The following LARP1 variants were observed in gnomAD, a reference collection of about 807,000 sequenced individuals.
The protein encoded by LARP1 is La ribonucleoprotein 1, translational regulator, also known as la-related protein 1.
In LARP1, 36 loss-of-function variants were observed where a neutral mutation model predicts 122.7. That is an observed-to-expected ratio of 0.29 (90% confidence interval 0.22 to 0.39). LARP1 has a LOEUF of 0.39. Among genes scored for constraint, LARP1 ranks in the 10% least tolerant of loss-of-function variants. The pLI, the probability that LARP1 is intolerant of heterozygous loss-of-function variation, is 1.00. For synonymous variants in LARP1, 539 were observed against 528.7 expected (o/e 1.02, Z -0.27); for missense variants, 1,040 against 1,403.6 (o/e 0.74, Z 4.14).
At chr5:154,699,434 G>A (rs1272624088) in intron 1 of LARP1, among the ~76,000 whole-genome samples, 1 of 151,808 alleles carries the variant, frequency 6.6e-6, no homozygotes, top group Non-Finnish European at 1.5e-5. Context: ...TTGAGAGGAT[G>A]GCTTGAAGCC....
At chr5:154,798,260 C>G (rs1758050160) in intron 8 of LARP1, among the ~76,000 whole-genome samples, 3 of 152,204 alleles carry the variant, frequency 2.0e-5, no homozygotes, top group Non-Finnish European at 2.9e-5. Context: ...ACCCTTTCTT[C>G]TCTTACAGGC....
At chr5:154,806,913 C>T (rs369672342) in intron 15 of LARP1, among the ~76,000 whole-genome samples, 2 of 152,276 alleles carry the variant, frequency 1.3e-5, no homozygotes, top group South Asian at 2.1e-4. Context: ...AATTTTAGAA[C>T]ATTTTCATTA....
At chr5:154,810,042 G>T (rs1361188691) in intron 16 of LARP1, among the ~76,000 whole-genome samples, 1 of 151,984 alleles carries the variant, frequency 6.6e-6, no homozygotes, top group Non-Finnish European at 1.5e-5. Flanking sequence ...TTACTCCATT[G>T]TATAGATTTG....
intron 7 of LARP1, 33 bp from the exon 8 acceptor site, chr5:154,795,138 AATCC>A: frequency 6.2e-7 from 1 of 1,605,140 alleles, no homozygotes; most frequent in Non-Finnish European, 8.5e-7. Context: ...CTGATGCACC[AATCC>A]CTCGGTGATA....
At chr5:154,760,847 A>G (rs1399148323) in intron 1 of LARP1, among the ~76,000 whole-genome samples, 1 of 152,196 alleles carries the variant, frequency 6.6e-6, no homozygotes, top group African/African-American at 2.4e-5. Context: ...ATTGTTGTGG[A>G]TCTTGTTTGG....
chr5:154,749,076 G>T (rs1422144334), intron 1 of LARP1, among the ~76,000 whole-genome samples: 1 of 152,212 alleles, frequency 6.6e-6, no homozygotes, highest in Non-Finnish European at 1.5e-5. Context: ...AGTAAGACAG[G>T]AAGGTTAGTT....
At chr5:154,692,150 G>A (rs997590740) in intron 1 of LARP1, among the ~76,000 whole-genome samples, 24 of 152,176 alleles carry the variant, frequency 1.6e-4, no homozygotes, top group African/African-American at 5.6e-4. Context: ...GAATAACACT[G>A]AAACCCCTTA....
chr5:154,791,239 A>G (rs143722317), intron 3 of LARP1, among the ~76,000 whole-genome samples: 557 of 150,042 alleles, frequency 3.7e-3, no homozygotes, highest in African/African-American at 0.013. Flanking sequence ...GGTTCAAGCA[A>G]TTCTCACTCT....
chr5:154,804,789 G>A, intron 14 of LARP1: 1 of 456,292 alleles, frequency 2.2e-6, no homozygotes, highest in South Asian at 1.5e-5. Context: ...TGGCCCCAGT[G>A]TGTGTTTCCT....
At chr5:154,728,267 A>G (rs1047014969) in intron 1 of LARP1, among the ~76,000 whole-genome samples, 5 of 152,196 alleles carry the variant, frequency 3.3e-5, no homozygotes, top group Admixed American at 3.3e-4. Context: ...ATGAGTCTAC[A>G]GTAGATTGTC....
In LARP1 at chr5:154,803,314, G is replaced by C. The variant is rs764558714; in HGVS notation, c.2134G>C (p.Val712Leu). 1 of 1,614,096 alleles carries C rather than the reference G, an allele frequency of 6.2e-7. No homozygotes were observed. Among genetic ancestry groups the C allele is most frequent in the Admixed American group, 1.7e-5 (1 of 60,002 alleles). The part of the protein sequence containing the change: ...IKQEVENFKK[V>L]NMISREQFDT... ...GCAAGAAGTCGAGAACTTCAAAAAGGTCAATATGATCAGCCGGGAGCAGTT... is the reference window on the plus strand; with the variant it reads ...GCAAGAAGTCGAGAACTTCAAAAAGCTCAATATGATCAGCCGGGAGCAGTT... Residue 712 changes from valine to leucine, a missense_variant, in exon 12 of 19, where the codon GTC becomes CTC. Around this residue, in one of 8 missense-constraint regions of LARP1, gnomAD observed 362 missense variants for 533.1 expected, o/e 0.68. Coordinates refer to ENST00000518297, the MANE Select transcript of LARP1 (RefSeq NM_033551.3). The surrounding 1 kb of genome is among the most constrained non-coding windows in gnomAD (Gnocchi z 4.4).
chr5:154,739,439 A>C (rs1561555925), intron 1 of LARP1, among the ~76,000 whole-genome samples: 1 of 152,242 alleles, frequency 6.6e-6, no homozygotes, highest in Non-Finnish European at 1.5e-5. Context: ...TGCCTTGCTA[A>C]AAGCGGTAAG....
chr5:154,790,200 T>A, intron 1 of LARP1, 125 bp from the exon 2 acceptor site: 1 of 708,414 alleles, frequency 1.4e-6, no homozygotes, highest in Non-Finnish European at 2.4e-6. Context: ...CTCTCTACTG[T>A]GTCTTTCTCC....
chr5:154,816,534 T>TTTTTTTG lies in LARP1; in HGVS notation c.*2443_*2444insTGTTTTT, dbSNP rs1554092498. 6.6e-6 allele frequency: 1 copy of TTTTTTTG among 152,630 alleles called. No individual in the cohort carries two copies. The highest frequency in any genetic ancestry group is 1.5e-5 in the Non-Finnish European group (1 of 68,060). 9.5% of individuals were successfully genotyped at this position (152,630 alleles called of 1,614,324 possible). On this transcript the variant is annotated 3_prime_UTR_variant, in exon 19 of 19. Transcript: ENST00000518297. ...GGGAGCTTTTTCTTTTCTTTCCTTT[T>TTTTTTTG]TTTTTGTTTTTGTTTTTGTTTTTGT...
rs145109705 is a variant in LARP1, at chr5:154,704,601, C to G, written c.-180+21564C>G. ...GGCAGAGGCTGCAGTAAGCCGAGAT[C>G]GTGCCATTGCACTCCAGCTTGGGCG... On this transcript the variant is annotated intron_variant, in intron 1 of 18. Coordinates refer to the LARP1 transcript ENST00000687700. Among the ~76,000 whole-genome samples, 1,273 of 139,732 alleles carry G rather than the reference C, an allele frequency of 9.1e-3. 19 individuals are homozygous for G. Among genetic ancestry groups the G allele is most frequent in the African/African-American group, 0.032 (1,193 of 37,562 alleles). The allele number at this position is 139,732 out of a possible 152,430, so 91.7% of individuals were successfully genotyped here. A position where few individuals can be genotyped will look rare whatever the true frequency, so the allele number is the denominator to read the frequency against.
At chr5:154,811,672 T>C in intron 18 of LARP1, 32 bp downstream of exon 18, 6 of 1,612,968 alleles carry the variant, frequency 3.7e-6, no homozygotes, top group Non-Finnish European at 5.1e-6. Context: ...ACTCTGCTTG[T>C]CCTGGAAAGA....
At chr5:154,787,945 C>T (rs1040192493) in intron 1 of LARP1, among the ~76,000 whole-genome samples, 11 of 152,218 alleles carry the variant, frequency 7.2e-5, no homozygotes, top group African/African-American at 2.7e-4. Context: ...AATGATCTGA[C>T]TTTGCCTCAC....
At position 154,816,843 on chromosome 5, in the gene LARP1, C is replaced by A. The variant is rs1202300020; in HGVS notation, c.*2747C>A. On this transcript the variant is annotated 3_prime_UTR_variant, in exon 19 of 19. Coordinates refer to ENST00000518297, the MANE Select transcript of LARP1 (RefSeq NM_033551.3). ...CATCAGCAGGTCTGTGTGCCTCAGC[C>A]CTGTTAAGGGGCAGGTTTCTCTTTA... 6.6e-6 allele frequency: 1 copy of A among 152,246 alleles called. No homozygotes were observed. The highest frequency in any genetic ancestry group is 1.5e-5 in the Non-Finnish European group (1 of 68,086). The allele number at this position is 152,246 out of a possible 1,614,324, so 9.4% of individuals were successfully genotyped here.
At chr5:154,710,722 G>A (rs1346062428), upstream of LARP1, among the ~76,000 whole-genome samples, 1 of 129,436 alleles carries the variant, frequency 7.7e-6, no homozygotes, top group African/African-American at 3.0e-5. Flanking sequence ...CAGCCTGGGC[G>A]ACAGAGTGAG....
Sources: gnomAD v4.1 joint callset for allele counts (sites outside exome capture counted in the v4.1 genomes callset) on GRCh38, gnomAD v4.1.1 for gene constraint, gnomAD v4.1.1 regional missense constraint, Gnocchi (gnomAD v3.1) non-coding constraint, MANE v1.5 for transcripts, NCBI Gene and HGNC (gene_info 2026-07-23, HGNC 2026-07-21) for gene names.